ZNF777: variants seen among roughly 807,000 people sequenced by gnomAD.
ZNF777 encodes the protein zinc finger protein 777.
ZNF777 carries 7 observed loss-of-function variants against 72.1 expected under a neutral mutation model. That is an observed-to-expected ratio of 0.10 (90% CI 0.06 to 0.18). The LOEUF is 0.18. ZNF777 is among the 10% of genes least tolerant of loss of function. ZNF777 has a pLI of 1.00. For missense variants in ZNF777, 828 were observed against 1,128.6 expected (o/e 0.73, Z 3.82); for synonymous variants, 545 against 483.5 (o/e 1.13, Z -1.67).
rs1336583686 is a variant in ZNF777 at position 149,431,500 on chromosome 7, A to G, written c.*276T>C. The G allele has an allele frequency of 2.2e-6, 1 of 452,168 alleles. No individual in the cohort carries two copies. Among genetic ancestry groups the G allele is most frequent in the East Asian group, 7.3e-5 (1 of 13,772 alleles). The allele number at this position is 452,168 out of a possible 1,614,324, so 28.0% of individuals were successfully genotyped here. A position where few individuals can be genotyped will look rare whatever the true frequency, so the allele number is the denominator to read the frequency against. On this transcript the variant is annotated 3_prime_UTR_variant, in exon 6 of 6. Coordinates refer to ENST00000247930, the MANE Select transcript of ZNF777 (RefSeq NM_015694.3). ...CGGCCAAATCACGCCCCCCGTGCTGATTGGTTTCATCCATTTTATTGTCAA... is the reference window on the plus strand; with the variant it reads ...CGGCCAAATCACGCCCCCCGTGCTGGTTGGTTTCATCCATTTTATTGTCAA...
chr7:149,444,224 C>T (rs906131120), intron 4 of ZNF777, among the ~76,000 whole-genome samples: 4 of 152,172 alleles, frequency 2.6e-5, no homozygotes, highest in South Asian at 2.1e-4. Context: ...GTGCCTCCTA[C>T]GCCTGTAAAC....
chr7:149,446,173 T>G (rs1585696143), intron 4 of ZNF777, among the ~76,000 whole-genome samples: 1 of 151,518 alleles, frequency 6.6e-6, no homozygotes, highest in African/African-American at 2.4e-5. Context: ...AGGTTGGGAG[T>G]TCAAGACCAG....
At chr7:149,441,897 G>A (rs907493624) in intron 4 of ZNF777, among the ~76,000 whole-genome samples, 4 of 151,838 alleles carry the variant, frequency 2.6e-5, no homozygotes, top group Non-Finnish European at 5.9e-5. Flanking sequence ...TAAGATCTGT[G>A]ATCATAGTGT....
rs370417499 is a variant in ZNF777 at position 149,431,571 on chromosome 7, C to T, written c.*205G>A. On this transcript the variant is annotated 3_prime_UTR_variant, in exon 6 of 6. Transcript: ENST00000247930. Reference sequence around the variant, plus strand: ...GGTTCCCCAGGTCCGCGCCCTCCCCCCTGGGGCCCCCGGGGAAACGCGGCA... The same window carrying T: ...GGTTCCCCAGGTCCGCGCCCTCCCCTCTGGGGCCCCCGGGGAAACGCGGCA... 5.6e-6 allele frequency: 3 copies of T among 535,156 alleles called. No homozygotes were observed. Among genetic ancestry groups the T allele is most frequent in the African/African-American group, 2.0e-5 (1 of 50,582 alleles). The allele number at this position is 535,156 out of a possible 1,614,324, so 33.2% of individuals were successfully genotyped here.
intron 4 of ZNF777, among the ~76,000 whole-genome samples, chr7:149,450,631 C>T (rs1310366684): frequency 3.3e-5 from 5 of 152,222 alleles, no homozygotes; most frequent in Non-Finnish European, 7.3e-5. Context: ...TATCCCTCCA[C>T]TGACCACCTG....
At chr7:149,453,815 C>A (rs948117623) in intron 3 of ZNF777, among the ~76,000 whole-genome samples, 15 of 152,166 alleles carry the variant, frequency 9.9e-5, no homozygotes, top group Admixed American at 3.3e-4. Flanking sequence ...AAAAAGGGGT[C>A]CCCATGGGGA....
In ZNF777 at chr7:149,460,051, C is replaced by A. The variant is rs1363383010; in HGVS notation, c.-16+764G>T. On this transcript the variant is annotated intron_variant, in intron 1 of 5. Transcript: ENST00000247930. This position sits in a 1 kb window ranked among gnomAD's most constrained non-coding sequence, Gnocchi z 6.1. ...TTACCGAGATCCCAGGCCGGGCCGC[C>A]GAGCCCGGGACACGCAGGCCGTCCC... 6 of 982,706 alleles carry A rather than the reference C, an allele frequency of 6.1e-6. No individual in the cohort carries two copies. The East Asian group carries it at 5.7e-4, about 94-fold the overall frequency. 60.9% of individuals were successfully genotyped at this position (982,706 alleles called of 1,614,324 possible). A position where few individuals can be genotyped will look rare whatever the true frequency, so the allele number is the denominator to read the frequency against.
At position 149,432,410 on chromosome 7, in the gene ZNF777, G is replaced by T; in HGVS notation, c.1862C>A (p.Pro621His). 1 of 1,613,474 alleles carries T rather than the reference G, an allele frequency of 6.2e-7. No homozygotes were observed. The highest frequency in any genetic ancestry group is 8.5e-7 in the Non-Finnish European group (1 of 1,179,950). Residue 621 changes from proline (P) to histidine (H), a missense_variant, in exon 6 of 6, where the codon CCC becomes CAC. By Grantham distance (77) the Pro-to-His change is moderately conservative (BLOSUM62 -2). This residue lies in a region of ZNF777 where 100 missense variants were observed against 106.2 expected (regional missense o/e 0.94). Transcript: ENST00000247930. ...GCCGCTACCAGAGCTGGGTGACTTG[G>T]GACGCGGCTTGAGCGCGTGCTTGGG... The part of the protein sequence containing the change: ...FNPKHALKPR[P>H]KSPSSGSGGG...
Position 149,455,094 on chromosome 7 carries a change from T to C in ZNF777, c.846+83A>G, listed in dbSNP as rs559036733. 1.3e-6 allele frequency: 2 copies of C among 1,496,318 alleles called. No individual in the cohort carries two copies. Among genetic ancestry groups the C allele is most frequent in the South Asian group, 2.7e-5 (2 of 73,770 alleles). 92.7% of individuals were successfully genotyped at this position (1,496,318 alleles called of 1,614,324 possible). ...TATTTTTTCCTTTATCAACCACCCCTTTCTTTCATATTACACTACATTCCT... is the reference window on the plus strand; with the variant it reads ...TATTTTTTCCTTTATCAACCACCCCCTTCTTTCATATTACACTACATTCCT... On this transcript the variant is annotated intron_variant, in intron 2 of 5. Transcript: ENST00000247930. The surrounding 1 kb of genome is among the most constrained non-coding windows in gnomAD (Gnocchi z 4.2).
In ZNF777 at chr7:149,436,507, CA is replaced by C; in HGVS notation, c.1339+67del. 1 of 1,508,110 alleles carries C rather than the reference CA, an allele frequency of 6.6e-7. No homozygotes were observed. Among genetic ancestry groups the C allele is most frequent in the Non-Finnish European group, 8.8e-7 (1 of 1,130,470 alleles). The allele number at this position is 1,508,110 out of a possible 1,614,324, so 93.4% of individuals were successfully genotyped here. ...CTCTCTGAAGGAACCACAGCTTTCC[CA>C]GGGGGCAGGGGCCCTCTGGGAGGCC... On this transcript the variant is annotated intron_variant, in intron 5 of 5. Coordinates refer to ENST00000247930, the MANE Select transcript of ZNF777 (RefSeq NM_015694.3). This position sits in a 1 kb window ranked among gnomAD's most constrained non-coding sequence, Gnocchi z 5.0.
rs531817474 is a variant in ZNF777, at chr7:149,431,592, C to G, written c.*184G>C. Reference sequence around the variant, plus strand: ...CCCCCCTGGGGCCCCCGGGGAAACGCGGCAGCAAGGGACCTGGTCTCACTG... The same window carrying G: ...CCCCCCTGGGGCCCCCGGGGAAACGGGGCAGCAAGGGACCTGGTCTCACTG... On this transcript the variant is annotated 3_prime_UTR_variant, in exon 6 of 6. Coordinates refer to ENST00000247930, the MANE Select transcript of ZNF777 (RefSeq NM_015694.3). 7.9e-6 allele frequency: 5 copies of G among 633,366 alleles called. No homozygotes were observed. The highest frequency in any genetic ancestry group is 1.2e-5 in the Non-Finnish European group (5 of 400,128). 39.2% of individuals were successfully genotyped at this position (633,366 alleles called of 1,614,324 possible).
At chr7:149,448,660 C>T (rs1799660617) in intron 4 of ZNF777, among the ~76,000 whole-genome samples, 1 of 147,186 alleles carries the variant, frequency 6.8e-6, no homozygotes, top group East Asian at 2.0e-4. Context: ...AAATTGCTTT[C>T]TCGAGAGACT....
At position 149,437,484 on chromosome 7, in the gene ZNF777, T is replaced by C. The variant is rs78563772; in HGVS notation, c.1088-658A>G. 7.4e-4 allele frequency among the ~76,000 whole-genome samples: 112 copies of C among 152,318 alleles called. 1 individual carries two copies. In the East Asian group the frequency reaches 0.017, roughly 23 times the overall value. ...CCCAAGCACGTATGCATGTACACCA[T>C]GGGCATTTGGGTTTGTTTTTAGTTA... On this transcript the variant is annotated intron_variant, in intron 4 of 5. Transcript: ENST00000247930.
intron 4 of ZNF777, among the ~76,000 whole-genome samples, chr7:149,437,079 A>G (rs946728561): frequency 3.9e-5 from 6 of 152,186 alleles, no homozygotes; most frequent in African/African-American, 1.4e-4. Context: ...CATAATTAAA[A>G]AAAAATATTC....
At chr7:149,448,152 CATTTAAAAT>C (rs1799637720) in intron 4 of ZNF777, among the ~76,000 whole-genome samples, 1 of 152,192 alleles carries the variant, frequency 6.6e-6, no homozygotes, top group South Asian at 2.1e-4. Context: ...AATGTAAGAA[CATTTAAAAT>C]ATTTAAAATA....
chr7:149,431,487 G>GC lies in ZNF777; in HGVS notation c.*288dup, dbSNP rs1563231619. On this transcript the variant is annotated 3_prime_UTR_variant, in exon 6 of 6. Transcript: ENST00000247930. Reference sequence around the variant, plus strand: ...TCTGAGTGGCCGGCGGCCAAATCACGCCCCCCGTGCTGATTGGTTTCATCC... The same window carrying GC: ...TCTGAGTGGCCGGCGGCCAAATCACGCCCCCCCGTGCTGATTGGTTTCATCC... 5 of 449,236 alleles carry GC rather than the reference G, an allele frequency of 1.1e-5. No individual in the cohort carries two copies. Among genetic ancestry groups the GC allele is most frequent in the South Asian group, 3.2e-5 (2 of 63,038 alleles). The allele number at this position is 449,236 out of a possible 1,614,324, so 27.8% of individuals were successfully genotyped here.
chr7:149,447,025 C>A (rs1184618580), intron 4 of ZNF777, among the ~76,000 whole-genome samples: 5 of 152,212 alleles, frequency 3.3e-5, no homozygotes, highest in Non-Finnish European at 2.9e-5. Context: ...TCTCCTGCTA[C>A]CTTTCTGGCC....
Position 149,448,562 on chromosome 7 carries a change from T to C in ZNF777, c.1087+2437A>G, listed in dbSNP as rs1397144242. Among the ~76,000 whole-genome samples, 12 of 108,792 alleles carry C rather than the reference T, an allele frequency of 1.1e-4. No homozygotes were observed. The East Asian group carries it at 2.9e-3, about 26-fold the overall frequency. 71.4% of individuals were successfully genotyped at this position (108,792 alleles called of 152,430 possible). ...ATATATATAGTTATACATATAGTTA[T>C]ATAGTTATACATATAACTATATATA... On this transcript the variant is annotated intron_variant, in intron 4 of 5. Coordinates refer to ENST00000247930, the MANE Select transcript of ZNF777 (RefSeq NM_015694.3).
Position 149,436,762 on chromosome 7 carries a change from C to T in ZNF777, c.1152G>A (p.Glu384=), listed in dbSNP as rs779477696. The T allele has an allele frequency of 6.2e-7, 1 of 1,614,128 alleles. No individual in the cohort carries two copies. The highest frequency in any genetic ancestry group is 8.5e-7 in the Non-Finnish European group (1 of 1,180,024). ...CCTGTCCCATCAGGGGCTCAGGTGT[C>T]TCCAAACTTTCTGAGCCCTCGTCGT... ...QTNDEGSESL[E]TPEPLMGQVE... is the part of the protein sequence containing the mutation. The change falls in exon 5 of 6, where the codon GAG becomes GAA. Residue 384 remains glutamate, a synonymous_variant. Transcript: ENST00000247930. The surrounding 1 kb of genome is among the most constrained non-coding windows in gnomAD (Gnocchi z 5.0).
Sources: allele counts gnomAD v4.1 joint callset (sites outside exome capture counted in the v4.1 genomes callset), GRCh38; gene constraint gnomAD v4.1.1; regional missense constraint gnomAD v4.1.1; non-coding constraint Gnocchi (gnomAD v3.1); transcripts MANE v1.5; gene names NCBI Gene and HGNC (gene_info 2026-07-23, HGNC 2026-07-21).